The following STAG1 variants were observed in gnomAD, a reference collection of about 807,000 sequenced individuals.
STAG1 encodes the protein STAG1 cohesin complex component.
Under a neutral mutation model 170.9 loss-of-function variants are expected in STAG1, and 26 were observed. That is an observed-to-expected ratio of 0.15 (90% CI 0.11 to 0.21). STAG1 has a LOEUF of 0.21. Among genes scored for constraint, STAG1 ranks in the 10% least tolerant of loss-of-function variants. The probability of loss-of-function intolerance (pLI) is 1.00; values close to 1 mark genes in which losing one functional copy is unlikely to be tolerated. For missense variants in STAG1, 964 were observed against 1,509.5 expected (o/e 0.64, Z 5.99); for synonymous variants, 514 against 497.7 (o/e 1.03, Z -0.44).
intron 21 of STAG1, among the ~76,000 whole-genome samples, chr3:136,414,559 T>A (rs2087718886): frequency 6.6e-6 from 1 of 152,124 alleles, no homozygotes; most frequent in Non-Finnish European, 1.5e-5. Context: ...CTCAAAGTCA[T>A]CCATGAACAC....
At chr3:136,521,961 T>C (rs1181485628) in intron 6 of STAG1, among the ~76,000 whole-genome samples, 1 of 152,222 alleles carries the variant, frequency 6.6e-6, no homozygotes, top group Non-Finnish European at 1.5e-5. Flanking sequence ...TAATACCACT[T>C]CATACACTGG....
At chr3:136,527,471 G>T (rs1263442580) in intron 6 of STAG1, among the ~76,000 whole-genome samples, 2 of 152,124 alleles carry the variant, frequency 1.3e-5, no homozygotes, top group Non-Finnish European at 2.9e-5. Flanking sequence ...TCTCTACACT[G>T]GTTATTCTAG....
chr3:136,737,233 C>G (rs1361435472), intron 1 of STAG1: 2 of 644,910 alleles, frequency 3.1e-6, no homozygotes, highest in African/African-American at 3.6e-5. Flanking sequence ...CGCCACTTCC[C>G]CAGCCCAGCC....
At chr3:136,647,112 C>T (rs1168944134) in intron 1 of STAG1, among the ~76,000 whole-genome samples, 1 of 151,888 alleles carries the variant, frequency 6.6e-6, no homozygotes, top group African/African-American at 2.4e-5. Context: ...AAACTTAAAT[C>T]GTTAAATTTA....
intron 1 of STAG1, among the ~76,000 whole-genome samples, chr3:136,712,312 A>C (rs1943406669): frequency 6.6e-6 from 1 of 152,068 alleles, no homozygotes; most frequent in Admixed American, 6.6e-5. Flanking sequence ...CACCGCACCC[A>C]GCCTACAGAG....
chr3:136,442,401 C>T (rs952234519), intron 15 of STAG1, among the ~76,000 whole-genome samples: 10 of 152,140 alleles, frequency 6.6e-5, no homozygotes, highest in African/African-American at 2.4e-4. Flanking sequence ...AACGAATATG[C>T]GTATAAGCTT....
Position 136,422,421 on chromosome 3 carries a change from G to A in STAG1, c.2026C>T (p.Leu676=). 1.2e-6 allele frequency: 2 copies of A among 1,613,872 alleles called. No individual in the cohort carries two copies. The highest frequency in any genetic ancestry group is 2.2e-5 in the East Asian group (1 of 44,834). Residue 676 remains leucine, a synonymous_variant, in exon 19 of 34, where the codon CTA becomes TTA. Transcript: ENST00000383202. ...VDRFNHSVED[L]LQEGEEADDD... ...ACTTTAGAACAGACCTCTTGCAATA[G>A]GTCTTCCACAGAATGATTGAATCGA...
chr3:136,520,953 T>A (rs1202242999), intron 7 of STAG1, among the ~76,000 whole-genome samples: 1 of 152,140 alleles, frequency 6.6e-6, no homozygotes, highest in Non-Finnish European at 1.5e-5. Context: ...TAAAATTTCT[T>A]CAGTTATAAA....
In STAG1 at chr3:136,602,195, A is replaced by G. The variant is rs576822555; in HGVS notation, c.297+2114T>C. ...GGAGATCGAGACCGTCCTGGCCAAC[A>G]TGGTAAAGCCCCGTCTCTACTAAAA... On this transcript the variant is annotated intron_variant, in intron 4 of 33. Coordinates refer to ENST00000383202, the MANE Select transcript of STAG1 (RefSeq NM_005862.3). Among the ~76,000 whole-genome samples the G allele has an allele frequency of 5.3e-5, 8 of 152,142 alleles. No homozygotes were observed. In the South Asian group the frequency reaches 1.2e-3, roughly 24 times the overall value.
chr3:136,453,495 G>T (rs1391538836), intron 13 of STAG1, among the ~76,000 whole-genome samples: 3 of 151,546 alleles, frequency 2.0e-5, no homozygotes, highest in African/African-American at 2.4e-5. Context: ...GGAGGCTGAG[G>T]CAGAAGAATG....
At chr3:136,392,331 T>C (rs1576420632) in intron 22 of STAG1, among the ~76,000 whole-genome samples, 1 of 152,266 alleles carries the variant, frequency 6.6e-6, no homozygotes, top group East Asian at 1.9e-4. Context: ...AGCTACACAA[T>C]AGATTATGCA....
At chr3:136,736,487 G>C in intron 1 of STAG1, 1 of 1,335,994 alleles carries the variant, frequency 7.5e-7, no homozygotes, top group Admixed American at 1.7e-5. Context: ...CTGTGACCCC[G>C]GGTGGTCATT....
chr3:136,617,183 G>A (rs2107824061), intron 3 of STAG1, among the ~76,000 whole-genome samples: 1 of 152,310 alleles, frequency 6.6e-6, no homozygotes, highest in East Asian at 1.9e-4. Flanking sequence ...GTTTGTCAGT[G>A]TCCCACATTA....
chr3:136,544,342 C>G (rs1936047487), intron 5 of STAG1, among the ~76,000 whole-genome samples: 1 of 152,150 alleles, frequency 6.6e-6, no homozygotes, highest in African/African-American at 2.4e-5. Flanking sequence ...GGCATAAACT[C>G]CAAGCCTTCT....
chr3:136,491,523 C>T (rs972375345), intron 9 of STAG1, among the ~76,000 whole-genome samples: 1 of 151,990 alleles, frequency 6.6e-6, no homozygotes, highest in Admixed American at 6.6e-5. Flanking sequence ...TTTTACATCC[C>T]CTGGTTCTTA....
chr3:136,403,611 T>C (rs1007149503), intron 21 of STAG1, among the ~76,000 whole-genome samples: 10 of 152,294 alleles, frequency 6.6e-5, no homozygotes, highest in East Asian at 3.9e-4. Context: ...AAGAGTGATA[T>C]ATAAATTAAT....
chr3:136,545,165 C>T (rs1047718491), intron 5 of STAG1, among the ~76,000 whole-genome samples: 13 of 152,150 alleles, frequency 8.5e-5, no homozygotes, highest in African/African-American at 2.9e-4. Flanking sequence ...TCTCCTGCCT[C>T]AGTCTCCTGA....
At chr3:136,436,166 G>A (rs563774595) in intron 15 of STAG1, among the ~76,000 whole-genome samples, 1 of 152,196 alleles carries the variant, frequency 6.6e-6, no homozygotes, top group Admixed American at 6.5e-5. Context: ...ATGATGGCCA[G>A]GCTGGTCTCA....
chr3:136,542,272 G>C (rs1345086715), intron 5 of STAG1, 77 bp from the exon 6 acceptor site: 2 of 1,063,290 alleles, frequency 1.9e-6, no homozygotes, highest in Non-Finnish European at 2.8e-6. Flanking sequence ...GCATTAACAA[G>C]TTATCTGTGA....
Sources: gnomAD v4.1 joint callset for allele counts (sites outside exome capture counted in the v4.1 genomes callset) on GRCh38, gnomAD v4.1.1 for gene constraint, MANE v1.5 for transcripts, NCBI Gene and HGNC (gene_info 2026-07-23, HGNC 2026-07-21) for gene names.